The following SLC16A7 variants were observed in gnomAD, a reference collection of about 807,000 sequenced individuals.
The protein encoded by SLC16A7 is monocarboxylate transporter 2.
Under a neutral mutation model 34.9 loss-of-function variants are expected in SLC16A7, and 33 were observed. That is an observed-to-expected ratio of 0.94 (90% CI 0.72 to 1.26). The LOEUF (loss-of-function observed/expected upper bound fraction) is 1.26, where lower values mean the gene tolerates loss of function less well. Ranked by LOEUF, SLC16A7 falls within the 50% of genes most tolerant of loss-of-function variation. The pLI, the probability that SLC16A7 is intolerant of heterozygous loss-of-function variation, is 0.00. For synonymous variants in SLC16A7, 201 were observed against 206.6 expected, an observed-to-expected ratio of 0.97 and a Z score of 0.23; for missense variants, 573 against 578.1, an observed-to-expected ratio of 0.99 and a Z score of 0.09.
At chr12:59,624,644 G>T (rs1255995258) in intron 1 of SLC16A7, among the ~76,000 whole-genome samples, 1 of 151,510 alleles carries the variant, frequency 6.6e-6, no homozygotes, top group African/African-American at 2.4e-5. Flanking sequence ...TATGAAATTG[G>T]AATAACTATT....
chr12:59,613,425 C>T (rs1471583843), intron 1 of SLC16A7, among the ~76,000 whole-genome samples: 1 of 152,162 alleles, frequency 6.6e-6, no homozygotes, highest in Non-Finnish European at 1.5e-5. Flanking sequence ...CTCCCAAGGG[C>T]TCCATCTCCA....
chr12:59,598,852 T>A (rs1878547522), intron 1 of SLC16A7, among the ~76,000 whole-genome samples: 1 of 152,260 alleles, frequency 6.6e-6, no homozygotes, highest in Admixed American at 6.5e-5. Flanking sequence ...ATATAATAAC[T>A]ATAATGACAA....
At chr12:59,727,066 C>T (rs1338960313) in intron 3 of SLC16A7, among the ~76,000 whole-genome samples, 1 of 151,362 alleles carries the variant, frequency 6.6e-6, no homozygotes, top group Non-Finnish European at 1.5e-5. Flanking sequence ...TCTATCCAAA[C>T]ACTGACTGGT....
intron 1 of SLC16A7, among the ~76,000 whole-genome samples, chr12:59,635,495 C>A (rs568388253): frequency 2.0e-5 from 3 of 152,072 alleles, no homozygotes; most frequent in African/African-American, 7.2e-5. Flanking sequence ...TTAAAATATC[C>A]TTTACTTTAC....
chr12:59,653,608 G>A (rs984329679), intron 1 of SLC16A7, among the ~76,000 whole-genome samples: 20 of 151,506 alleles, frequency 1.3e-4, no homozygotes, highest in African/African-American at 4.8e-4. Context: ...AAATTCAAGT[G>A]AATTTAATTA....
chr12:59,751,189 T>C (rs1294613881), intron 3 of SLC16A7, among the ~76,000 whole-genome samples: 3 of 151,860 alleles, frequency 2.0e-5, no homozygotes, highest in Non-Finnish European at 4.4e-5. Flanking sequence ...AGAAGACGGG[T>C]GATTTCTGCA....
At chr12:59,679,089 G>A (rs1870540083) in intron 2 of SLC16A7, among the ~76,000 whole-genome samples, 1 of 152,128 alleles carries the variant, frequency 6.6e-6, no homozygotes, top group Non-Finnish European at 1.5e-5. Context: ...GGGGCAGAGG[G>A]GCCTTCCTAG....
intron 3 of SLC16A7, among the ~76,000 whole-genome samples, chr12:59,755,319 C>T (rs1565698977): frequency 6.6e-6 from 1 of 152,176 alleles, no homozygotes; most frequent in Non-Finnish European, 1.5e-5. Context: ...TAAATTGTCC[C>T]TGTTTGCAAA....
At chr12:59,628,683 T>C (rs1048413450) in intron 1 of SLC16A7, among the ~76,000 whole-genome samples, 3 of 151,796 alleles carry the variant, frequency 2.0e-5, no homozygotes, top group African/African-American at 7.3e-5. Context: ...TGCGTGTGTG[T>C]GTGCGCGTAT....
intron 1 of SLC16A7, among the ~76,000 whole-genome samples, chr12:59,652,108 G>A (rs1868352205): frequency 6.6e-6 from 1 of 151,896 alleles, no homozygotes; most frequent in Non-Finnish European, 1.5e-5. Context: ...GATTTACATA[G>A]TTTTAAATAT....
chr12:59,775,485 T>C lies in SLC16A7; in HGVS notation c.1180+10T>C. 6.3e-7 allele frequency: 1 copy of C among 1,598,358 alleles called. No individual in the cohort carries two copies. The highest frequency in any genetic ancestry group is 8.6e-7 in the Non-Finnish European group (1 of 1,167,748). On this transcript the variant is annotated intron_variant, in intron 5 of 5. Transcript: ENST00000547379. ...GGCCCTCCTCTTGCAGGTAAGAACG[T>C]TTTTCATCAAGGAAAATGTAAAGCA...
At chr12:59,700,011 C>T (rs1872705821) in intron 2 of SLC16A7, among the ~76,000 whole-genome samples, 1 of 151,638 alleles carries the variant, frequency 6.6e-6, no homozygotes, top group South Asian at 2.1e-4. Flanking sequence ...TTCTAGCATT[C>T]CTCAGTACAA....
At chr12:59,616,623 T>C (rs903530729) in intron 1 of SLC16A7, among the ~76,000 whole-genome samples, 1 of 152,160 alleles carries the variant, frequency 6.6e-6, no homozygotes, top group Non-Finnish European at 1.5e-5. Context: ...ATTCCTTAGT[T>C]ATTCAAGTGT....
intron 3 of SLC16A7, among the ~76,000 whole-genome samples, chr12:59,766,143 G>C (rs1014192805): frequency 4.6e-5 from 7 of 151,818 alleles, no homozygotes; most frequent in Non-Finnish European, 5.9e-5. Context: ...TTTGTTATTG[G>C]TGTATAGGAA....
chr12:59,714,746 G>A (rs1307990213), intron 3 of SLC16A7, among the ~76,000 whole-genome samples: 1 of 152,030 alleles, frequency 6.6e-6, no homozygotes, highest in Admixed American at 6.5e-5. Flanking sequence ...TGTATTTTTA[G>A]TAGATATGGG....
chr12:59,675,419 C>T (rs1456225330), intron 2 of SLC16A7, among the ~76,000 whole-genome samples: 1 of 152,124 alleles, frequency 6.6e-6, no homozygotes, highest in Non-Finnish European at 1.5e-5. Flanking sequence ...TAAGTGAGCA[C>T]ACAGCAAAAG....
intron 3 of SLC16A7, among the ~76,000 whole-genome samples, chr12:59,753,520 T>A (rs1879873444): frequency 6.6e-6 from 1 of 152,120 alleles, no homozygotes; most frequent in South Asian, 2.1e-4. Flanking sequence ...GACCATTACA[T>A]AATGGTAAAG....
intron 3 of SLC16A7, among the ~76,000 whole-genome samples, chr12:59,730,711 TG>T (rs1230400650): frequency 6.6e-6 from 1 of 152,226 alleles, no homozygotes; most frequent in East Asian, 1.9e-4. Context: ...GTCATTCAGA[TG>T]CCAAATGGCA....
At chr12:59,763,211 G>A (rs1345027030) in intron 3 of SLC16A7, among the ~76,000 whole-genome samples, 1 of 152,000 alleles carries the variant, frequency 6.6e-6, no homozygotes, top group Non-Finnish European at 1.5e-5. Flanking sequence ...TGCTAGTTAA[G>A]CAGATACAGG....
Sources: gnomAD v4.1 joint callset for allele counts (sites outside exome capture counted in the v4.1 genomes callset) on GRCh38, gnomAD v4.1.1 for gene constraint, MANE v1.5 for transcripts, NCBI Gene and HGNC (gene_info 2026-07-23, HGNC 2026-07-21) for gene names.